SMG6: variants seen among roughly 807,000 people sequenced by gnomAD.
SMG6 encodes the protein SMG6 nonsense mediated mRNA decay factor, also known as telomerase-binding protein EST1A.
Under a neutral mutation model 142.2 loss-of-function variants are expected in SMG6, and 66 were observed. That is an observed-to-expected ratio of 0.46 (90% CI 0.38 to 0.57). SMG6 has a LOEUF of 0.57. SMG6 is among the 20% of genes least tolerant of loss of function. SMG6 has a pLI of 0.00. For synonymous variants in SMG6, 779 were observed against 702.4 expected, an observed-to-expected ratio of 1.11 and a Z score of -1.72; for missense variants, 1,793 against 1,832.0, an observed-to-expected ratio of 0.98 and a Z score of 0.39.
intron 8 of SMG6, among the ~76,000 whole-genome samples, chr17:2,269,108 T>A (rs533703483): frequency 6.6e-6 from 1 of 150,700 alleles, no homozygotes; most frequent in East Asian, 2.0e-4. Flanking sequence ...TAGTCCCAGC[T>A]ACCCGAGAGG....
chr17:2,204,655 G>A (rs1249621659), intron 10 of SMG6, among the ~76,000 whole-genome samples: 2 of 152,162 alleles, frequency 1.3e-5, no homozygotes, highest in Non-Finnish European at 2.9e-5. Context: ...CTGTGGAATC[G>A]ACATACCTTT....
At chr17:2,222,011 A>G (rs1441606193) in intron 10 of SMG6, among the ~76,000 whole-genome samples, 1 of 152,234 alleles carries the variant, frequency 6.6e-6, no homozygotes, top group Non-Finnish European at 1.5e-5. Context: ...CTGGGATTAC[A>G]GACGTCGGCC....
chr17:2,255,764 T>C (rs974635283), intron 8 of SMG6: 12 of 203,700 alleles, frequency 5.9e-5, no homozygotes, highest in Middle Eastern at 2.0e-3. Flanking sequence ...GGGGAAAGAA[T>C]AGAGAAATTA....
At chr17:2,297,425 G>C (rs993368884) in intron 3 of SMG6, 72 bp from the exon 4 acceptor site, 1 of 1,136,952 alleles carries the variant, frequency 8.8e-7, no homozygotes, top group Non-Finnish European at 1.3e-6. Flanking sequence ...AACCGGGGCA[G>C]ACAACCCTTT....
intron 6 of SMG6, among the ~76,000 whole-genome samples, chr17:2,291,485 C>CG (rs1030226802): frequency 6.6e-6 from 1 of 151,576 alleles, no homozygotes; most frequent in Non-Finnish European, 1.5e-5. Flanking sequence ...GCAAAGAGGG[C>CG]GGGAAAAAAA....
At chr17:2,100,739 G>A (rs2151472368) in intron 13 of SMG6, among the ~76,000 whole-genome samples, 1 of 152,218 alleles carries the variant, frequency 6.6e-6, no homozygotes, top group South Asian at 2.1e-4. Flanking sequence ...TAGAGATGGG[G>A]TCTCGCGATA....
intron 15 of SMG6, among the ~76,000 whole-genome samples, chr17:2,069,743 A>G (rs577528799): frequency 6.6e-6 from 1 of 152,206 alleles, no homozygotes; most frequent in Non-Finnish European, 1.5e-5. Flanking sequence ...GACTCAACTC[A>G]TGTGTCTGCA....
At chr17:2,061,847 T>C (rs1284691308) in intron 18 of SMG6, 1 of 520,478 alleles carries the variant, frequency 1.9e-6, no homozygotes, top group Non-Finnish European at 3.5e-6. Flanking sequence ...CGGCCTCCCA[T>C]ACAGGACTCT....
At chr17:2,178,763 T>G (rs780694944) in intron 12 of SMG6, among the ~76,000 whole-genome samples, 1 of 152,200 alleles carries the variant, frequency 6.6e-6, no homozygotes. Context: ...CCATCAGCAC[T>G]GTATGTTTGG....
intron 10 of SMG6, among the ~76,000 whole-genome samples, chr17:2,234,415 C>T (rs1048006772): frequency 8.6e-5 from 13 of 151,622 alleles, no homozygotes; most frequent in Non-Finnish European, 1.5e-4. Flanking sequence ...GTGCCCACCA[C>T]CAAGCGCAGC....
At chr17:2,255,239 C>A (rs2074140253) in intron 8 of SMG6, among the ~76,000 whole-genome samples, 1 of 150,938 alleles carries the variant, frequency 6.6e-6, no homozygotes, top group Non-Finnish European at 1.5e-5. Context: ...CCCGTCTCTA[C>A]TAAAAATACA....
chr17:2,283,566 C>G, intron 7 of SMG6, 59 bp downstream of exon 7: 1 of 1,391,036 alleles, frequency 7.2e-7, no homozygotes. Flanking sequence ...TAGGGCACAC[C>G]AACACTCAGG....
chr17:2,212,818 G>A (rs1190714643), intron 10 of SMG6: 2 of 152,262 alleles, frequency 1.3e-5, no homozygotes, highest in Non-Finnish European at 2.9e-5. Context: ...GGGAAGGCCA[G>A]TCCACACTCA....
At chr17:2,169,865 G>C (rs965858428) in intron 13 of SMG6, among the ~76,000 whole-genome samples, 4 of 152,060 alleles carry the variant, frequency 2.6e-5, no homozygotes, top group Non-Finnish European at 4.4e-5. Context: ...AAGGGGGAAG[G>C]AACCAGAGCA....
rs1218070646 is a variant in SMG6 at position 2,202,348 on chromosome 17, A to C, written c.2870-13833T>G. Among the ~76,000 whole-genome samples the C allele has an allele frequency of 4.6e-5, 7 of 152,302 alleles. No individual in the cohort carries two copies. In the East Asian group the frequency reaches 1.4e-3, roughly 29 times the overall value. ...AGGATCACATGAGCCCAAGAGTTTG[A>C]GACCAGCCTGAGCAACACAGTGAGA... On this transcript the variant is annotated intron_variant, in intron 10 of 18. Transcript: ENST00000263073.
chr17:2,144,028 A>G (rs2151581077), intron 13 of SMG6, among the ~76,000 whole-genome samples: 1 of 148,638 alleles, frequency 6.7e-6, no homozygotes, highest in Middle Eastern at 3.5e-3. Flanking sequence ...CTGGGACTAT[A>G]AGTGCATGCC....
intron 13 of SMG6, among the ~76,000 whole-genome samples, chr17:2,145,046 G>T (rs1456518861): frequency 6.6e-6 from 1 of 152,172 alleles, no homozygotes; most frequent in Non-Finnish European, 1.5e-5. Flanking sequence ...AAGATCTGCA[G>T]ATTTCTCGTT....
chr17:2,218,774 G>GT (rs2073091108), intron 10 of SMG6, among the ~76,000 whole-genome samples: 2 of 152,062 alleles, frequency 1.3e-5, no homozygotes, highest in African/African-American at 2.4e-5. Context: ...AAATAAGCTA[G>GT]TTACCCACAG....
At chr17:2,088,193 T>TTGC in intron 13 of SMG6, 1 of 985,350 alleles carries the variant, frequency 1.0e-6, no homozygotes, top group Non-Finnish European at 1.2e-6. Context: ...GGCAGGAGTG[T>TTGC]TGCTGCTGCT....
Sources: allele counts gnomAD v4.1 joint callset (sites outside exome capture counted in the v4.1 genomes callset), GRCh38; gene constraint gnomAD v4.1.1; transcripts MANE v1.5; gene names NCBI Gene and HGNC (gene_info 2026-07-23, HGNC 2026-07-21).